Variants in GRK4 observed in about 807,000 individuals in gnomAD.
The protein encoded by GRK4 is G protein-coupled receptor kinase 2-like.
A neutral mutation model predicts 77.9 loss-of-function variants in GRK4; 73 were observed. That is an observed-to-expected ratio of 0.94 (90% CI 0.78 to 1.14). GRK4 has a LOEUF of 1.14. GRK4 is among the 50% of genes most tolerant of loss of function. The probability of loss-of-function intolerance (pLI) is 0.00; values close to 1 mark genes in which losing one functional copy is unlikely to be tolerated. For synonymous variants in GRK4, 257 were observed against 254.4 expected (o/e 1.01, Z -0.10); for missense variants, 729 against 700.2 (o/e 1.04, Z -0.46).
At chr4:3,040,385 G>A (rs1377424716) in intron 15 of GRK4, among the ~76,000 whole-genome samples, 187 bp from the exon 16 acceptor site, 1 of 152,132 alleles carries the variant, frequency 6.6e-6, no homozygotes, top group African/African-American at 2.4e-5. Context: ...AGGTTGTAGT[G>A]ATCTGAGATC....
chr4:3,029,198 T>C lies in GRK4; in HGVS notation c.1061-3T>C. On this transcript the variant is annotated splice_region_variant and splice_polypyrimidine_tract_variant and intron_variant, in intron 11 of 15. Coordinates refer to ENST00000398052, the MANE Select transcript of GRK4 (RefSeq NM_182982.3). The stretch of plus-strand genomic sequence containing the variant: ...ATTTCCATTTCCTGTATTTGTTATG[T>C]AGCACCTGAAGTTGTCAATAATGAA... 6.2e-7 allele frequency: 1 copy of C among 1,602,486 alleles called. No individual in the cohort carries two copies. Among genetic ancestry groups the C allele is most frequent in the Non-Finnish European group, 8.5e-7 (1 of 1,172,288 alleles).
intron 7 of GRK4, among the ~76,000 whole-genome samples, chr4:3,010,351 C>T (rs543228097): frequency 4.6e-5 from 7 of 152,182 alleles, no homozygotes; most frequent in Admixed American, 2.0e-4. Flanking sequence ...CTCAGCCTCC[C>T]GAGTAGCTGG....
intron 8 of GRK4, among the ~76,000 whole-genome samples, chr4:3,014,519 C>T (rs7658707): frequency 0.36 from 55,233 of 151,440 alleles, 10,378 homozygotes; most frequent in Non-Finnish European, 0.38. Context: ...TCTGGCCAGG[C>T]GCGGTGGCTC....
chr4:2,969,405 T>C (rs1368789057), intron 1 of GRK4: 1 of 151,460 alleles, frequency 6.6e-6, no homozygotes, highest in Admixed American at 6.6e-5. Context: ...AAAGAGAGTT[T>C]CGCTCTTGTT....
At position 3,039,165 on chromosome 4, in the gene GRK4, G is replaced by A. The variant is rs773573711; in HGVS notation, c.1683+652G>A. Among the ~76,000 whole-genome samples, 5 of 152,158 alleles carry A rather than the reference G, an allele frequency of 3.3e-5. No homozygotes were observed. In the South Asian group the frequency reaches 8.3e-4, roughly 25 times the overall value. Reference sequence around the variant, plus strand: ...CAGGAGGTGGAGGGTGCAGTGAGCCGAGATCGTGCCACTGTACTCCAGCCT... The same window carrying A: ...CAGGAGGTGGAGGGTGCAGTGAGCCAAGATCGTGCCACTGTACTCCAGCCT... On this transcript the variant is annotated intron_variant, in intron 15 of 15. Transcript: ENST00000398052.
chr4:2,993,541 G>A (rs1223178027), intron 4 of GRK4, among the ~76,000 whole-genome samples: 2 of 152,170 alleles, frequency 1.3e-5, no homozygotes, highest in East Asian at 1.9e-4. Flanking sequence ...AGGCGTGGTG[G>A]TGCATGCCTG....
chr4:2,968,946 G>A (rs897038492), intron 1 of GRK4, among the ~76,000 whole-genome samples: 4 of 152,100 alleles, frequency 2.6e-5, no homozygotes, highest in Middle Eastern at 3.2e-3. Flanking sequence ...TCCTGCATCC[G>A]TGGCTAAGGG....
At chr4:2,976,766 A>G (rs1353119739) in intron 1 of GRK4, among the ~76,000 whole-genome samples, 1 of 151,800 alleles carries the variant, frequency 6.6e-6, no homozygotes, top group Non-Finnish European at 1.5e-5. Context: ...CAGCCTCCCA[A>G]GTAGCTGGGA....
intron 4 of GRK4, among the ~76,000 whole-genome samples, chr4:2,996,558 A>G (rs79895601): frequency 6.9e-6 from 1 of 145,948 alleles, no homozygotes; most frequent in East Asian, 2.0e-4. Flanking sequence ...CTGCCTCAGG[A>G]AAAAAAAAAA....
chr4:3,020,928 C>T (rs7657057), intron 9 of GRK4, among the ~76,000 whole-genome samples: 4,443 of 152,124 alleles, frequency 0.029, 83 homozygotes, highest in Middle Eastern at 0.041. Flanking sequence ...ACATTGTGTC[C>T]GGTAGTATGT....
At chr4:3,037,729 A>G (rs1560515101) in intron 14 of GRK4, among the ~76,000 whole-genome samples, 1 of 152,114 alleles carries the variant, frequency 6.6e-6, no homozygotes, top group East Asian at 1.9e-4. Flanking sequence ...AGCCTGGCCA[A>G]CATAGTGAAA....
intron 1 of GRK4, among the ~76,000 whole-genome samples, chr4:2,974,237 C>T (rs901013957): frequency 9.9e-5 from 15 of 152,156 alleles, no homozygotes; most frequent in African/African-American, 2.4e-4. Flanking sequence ...CTTTGTTCGT[C>T]GGGCTTTCTC....
intron 8 of GRK4, among the ~76,000 whole-genome samples, chr4:3,014,299 T>C (rs1227249634): frequency 7.5e-5 from 11 of 146,302 alleles, no homozygotes; most frequent in Non-Finnish European, 1.5e-4. Context: ...TCTCTCTCTT[T>C]TTTTTTTTTT....
At chr4:3,022,504 G>A (rs1736369821) in intron 10 of GRK4, 53 bp downstream of exon 10, 4 of 1,525,898 alleles carry the variant, frequency 2.6e-6, no homozygotes, top group Non-Finnish European at 2.7e-6. Context: ...AGAGGGACTT[G>A]GATACAGAAA....
At chr4:2,973,204 G>A (rs764275750) in intron 1 of GRK4, among the ~76,000 whole-genome samples, 3 of 152,190 alleles carry the variant, frequency 2.0e-5, no homozygotes, top group African/African-American at 4.8e-5. Flanking sequence ...GCTTTCTTCC[G>A]TGAGCGTGTT....
At chr4:2,979,346 A>G (rs1345286540) in intron 1 of GRK4, among the ~76,000 whole-genome samples, 5 of 147,046 alleles carry the variant, frequency 3.4e-5, no homozygotes, top group Admixed American at 1.4e-4. Context: ...GGAGGTTGCA[A>G]TCATCTGAGA....
Position 2,964,021 on chromosome 4 carries a change from C to T in GRK4, c.-50C>T. The T allele has an allele frequency of 6.4e-7, 1 of 1,567,976 alleles. No homozygotes were observed. The highest frequency in any genetic ancestry group is 2.3e-5 in the East Asian group (1 of 44,010). On this transcript the variant is annotated 5_prime_UTR_variant, in exon 1 of 16. Transcript: ENST00000398052. Reference sequence around the variant, plus strand: ...GCGGCGTCTCCTCCTGTTCCGCCTCCTCAGTCTCCTCGGTCTCGCAGAATC... The same window carrying T: ...GCGGCGTCTCCTCCTGTTCCGCCTCTTCAGTCTCCTCGGTCTCGCAGAATC...
intron 4 of GRK4, among the ~76,000 whole-genome samples, chr4:2,992,787 C>G (rs1476288629): frequency 6.6e-6 from 1 of 151,900 alleles, no homozygotes; most frequent in African/African-American, 2.4e-5. Context: ...TCAAAACCAA[C>G]CTGGGCAATA....
chr4:3,040,321 G>T (rs950791944), intron 15 of GRK4, among the ~76,000 whole-genome samples: 1 of 152,052 alleles, frequency 6.6e-6, no homozygotes, highest in Non-Finnish European at 1.5e-5. Context: ...TGTGGCTGTG[G>T]TCCTAGCTAC....
Sources: gnomAD v4.1 joint callset for allele counts (sites outside exome capture counted in the v4.1 genomes callset) on GRCh38, gnomAD v4.1.1 for gene constraint, MANE v1.5 for transcripts, NCBI Gene and HGNC (gene_info 2026-07-23, HGNC 2026-07-21) for gene names.